Variants in PCDH15 observed in about 807,000 individuals in gnomAD.
PCDH15 encodes protocadherin-15.
In PCDH15, 129 loss-of-function variants were observed where a neutral mutation model predicts 178.5. The ratio of observed to expected loss-of-function variants is 0.72; its 90% CI spans 0.63 to 0.84. The LOEUF (loss-of-function observed/expected upper bound fraction) is 0.84. Ranked by LOEUF, PCDH15 falls within the 40% of genes least tolerant of loss-of-function variation. PCDH15 has a pLI of 0.00. For missense variants in PCDH15, 2,230 were observed against 2,099.9 expected (o/e 1.06, Z -1.21); for synonymous variants, 800 against 732.0 (o/e 1.09, Z -1.50).
intron 2 of PCDH15, among the ~76,000 whole-genome samples, chr10:55,007,125 T>C (rs943437108): frequency 2.6e-5 from 4 of 152,236 alleles, no homozygotes; most frequent in African/African-American, 7.2e-5. Context: ...TCCTCAGGAC[T>C]CCCCAGAAGC....
chr10:54,654,234 A>G (rs2094327037), intron 2 of PCDH15, among the ~76,000 whole-genome samples: 1 of 152,218 alleles, frequency 6.6e-6, no homozygotes, highest in Non-Finnish European at 1.5e-5. Flanking sequence ...GCTGACAGTT[A>G]CAAAGGATAT....
intron 4 of PCDH15, among the ~76,000 whole-genome samples, chr10:54,369,763 A>G (rs1369201659): frequency 1.3e-5 from 2 of 152,020 alleles, no homozygotes; most frequent in African/African-American, 4.8e-5. Context: ...CCAGCCAACT[A>G]AACTTACTCA....
intron 14 of PCDH15, among the ~76,000 whole-genome samples, chr10:54,143,252 C>T (rs2043570799): frequency 6.6e-6 from 1 of 152,052 alleles, no homozygotes; most frequent in Non-Finnish European, 1.5e-5. Context: ...TCCTGTAATT[C>T]TGATATGTCT....
chr10:53,967,254 G>A (rs12269413), intron 21 of PCDH15, among the ~76,000 whole-genome samples: 1,595 of 152,150 alleles, frequency 0.01, 26 homozygotes, highest in African/African-American at 0.033. Flanking sequence ...AGAAGGATGT[G>A]TTTGCTTCCG....
intron 1 of PCDH15, among the ~76,000 whole-genome samples, chr10:54,712,509 T>C (rs1384660677): frequency 6.6e-6 from 1 of 151,908 alleles, no homozygotes. Context: ...TTGAGTGCTA[T>C]AGAAAATGTC....
At chr10:55,481,787 CCAA>C (rs1840186765) in intron 2 of PCDH15, among the ~76,000 whole-genome samples, 1 of 151,460 alleles carries the variant, frequency 6.6e-6, no homozygotes, top group Non-Finnish European at 1.5e-5. Context: ...GTTCCATATG[CCAA>C]TGAGAAGATT....
At chr10:54,380,900 T>G (rs1949153365) in intron 3 of PCDH15, among the ~76,000 whole-genome samples, 1 of 151,084 alleles carries the variant, frequency 6.6e-6, no homozygotes, top group African/African-American at 2.4e-5. Context: ...TATTTAAAGA[T>G]TCTAACTTTC....
chr10:54,598,581 C>T (rs1355473958), intron 2 of PCDH15, among the ~76,000 whole-genome samples: 2 of 151,944 alleles, frequency 1.3e-5, no homozygotes, highest in Non-Finnish European at 2.9e-5. Context: ...ATGATTTCTC[C>T]ACTTGCTATT....
At chr10:55,527,724 T>C (rs1565225355) in intron 2 of PCDH15, among the ~76,000 whole-genome samples, 1 of 152,036 alleles carries the variant, frequency 6.6e-6, no homozygotes. Flanking sequence ...AATTTGACTT[T>C]TATGTATGAC....
intron 2 of PCDH15, among the ~76,000 whole-genome samples, chr10:55,381,380 T>C (rs1837530113): frequency 6.6e-6 from 1 of 152,164 alleles, no homozygotes; most frequent in African/African-American, 2.4e-5. Flanking sequence ...CCACTCTCTC[T>C]CTCCAGCACC....
In PCDH15 at chr10:54,594,983, C is replaced by T. The variant is rs569398668; in HGVS notation, c.92-67106G>A. 3.9e-5 allele frequency among the ~76,000 whole-genome samples: 6 copies of T among 152,270 alleles called. No homozygotes were observed. In the East Asian group the frequency reaches 7.7e-4, roughly 20 times the overall value. Reference sequence around the variant, plus strand: ...GTGCACACAGTCCTGCGACCACTAGCGCCCCATCCCTGTGCTAACACCAGC... The same window carrying T: ...GTGCACACAGTCCTGCGACCACTAGTGCCCCATCCCTGTGCTAACACCAGC... On this transcript the variant is annotated intron_variant, in intron 2 of 37. Transcript: ENST00000644397.
chr10:54,527,386 C>T (rs556782457), intron 3 of PCDH15, among the ~76,000 whole-genome samples: 1 of 152,186 alleles, frequency 6.6e-6, no homozygotes, highest in South Asian at 2.1e-4. Context: ...TCACAATCAC[C>T]ATGTCTAATC....
At chr10:54,497,011 A>G (rs1214831000) in intron 3 of PCDH15, among the ~76,000 whole-genome samples, 2 of 152,108 alleles carry the variant, frequency 1.3e-5, no homozygotes, top group East Asian at 3.9e-4. Flanking sequence ...GCACTGGACC[A>G]TAGTGCTTTT....
intron 1 of PCDH15, among the ~76,000 whole-genome samples, chr10:54,693,937 G>A (rs11817402): frequency 3.9e-5 from 6 of 151,910 alleles, no homozygotes; most frequent in Non-Finnish European, 7.4e-5. Context: ...TTTTCTCAAC[G>A]AAGTATATTT....
At chr10:53,899,141 T>TA (rs1170240543) in intron 26 of PCDH15, among the ~76,000 whole-genome samples, 4 of 65,450 alleles carry the variant, frequency 6.1e-5, no homozygotes, top group Non-Finnish European at 1.1e-4. Flanking sequence ...TTACTTTTTT[T>TA]CGGGGGGGGG....
At chr10:54,459,422 C>T (rs947099990) in intron 3 of PCDH15, among the ~76,000 whole-genome samples, 1 of 151,484 alleles carries the variant, frequency 6.6e-6, no homozygotes, top group Non-Finnish European at 1.5e-5. Flanking sequence ...TATCAATTAC[C>T]CTATGATCAA....
At chr10:55,310,198 C>A (rs988289414) in intron 1 of PCDH15, among the ~76,000 whole-genome samples, 1 of 151,884 alleles carries the variant, frequency 6.6e-6, no homozygotes, top group African/African-American at 2.4e-5. Context: ...TTATTTATTT[C>A]TTATAAGTCA....
At position 55,111,547 on chromosome 10, in the gene PCDH15, TAA is replaced by T. The variant is rs1253510020; in HGVS notation, c.-80+55027_-80+55028del. 1.5e-3 allele frequency among the ~76,000 whole-genome samples: 231 copies of T among 152,088 alleles called. 1 individual carries two copies. The Middle Eastern group carries it at 0.024, about 16-fold the overall frequency. On this transcript the variant is annotated intron_variant, in intron 2 of 5. Coordinates refer to the PCDH15 transcript ENST00000458638. Reference sequence around the variant, plus strand: ...AGATACTATTTAAAAAAAAAAAATTTAAAAAAGTTCTTTTTGACGGGTGCAGT... The same window carrying T: ...AGATACTATTTAAAAAAAAAAAATTTAAAAGTTCTTTTTGACGGGTGCAGT...
chr10:55,064,734 C>T (rs567079997), intron 2 of PCDH15, among the ~76,000 whole-genome samples: 1 of 152,154 alleles, frequency 6.6e-6, no homozygotes, highest in South Asian at 2.1e-4. Context: ...TCATTTACTT[C>T]TAATTCTCTT....
Sources: gnomAD v4.1 joint callset for allele counts (sites outside exome capture counted in the v4.1 genomes callset) on GRCh38, gnomAD v4.1.1 for gene constraint, MANE v1.5 for transcripts, NCBI Gene and HGNC (gene_info 2026-07-23, HGNC 2026-07-21) for gene names.